SEMA4D: variants seen among roughly 807,000 people sequenced by gnomAD.
SEMA4D encodes the protein semaphorin-4D.
In SEMA4D, 22 loss-of-function variants were observed where a neutral mutation model predicts 74.8. That is an observed-to-expected ratio of 0.29 (90% CI 0.21 to 0.42). SEMA4D has a LOEUF of 0.42. Ranked by LOEUF, SEMA4D falls within the 10% of genes least tolerant of loss-of-function variation. SEMA4D has a pLI of 1.00. For synonymous variants in SEMA4D, 445 were observed against 463.7 expected (o/e 0.96, Z 0.52); for missense variants, 937 against 1,118.4 (o/e 0.84, Z 2.31).
chr9:89,495,064 C>G (rs1026373371), intron 1 of SEMA4D, among the ~76,000 whole-genome samples: 2 of 152,202 alleles, frequency 1.3e-5, no homozygotes, highest in South Asian at 4.1e-4. Context: ...TAGATGTGAT[C>G]CAGGGCAGGG....
At chr9:89,454,609 G>A (rs748329508) in intron 2 of SEMA4D, among the ~76,000 whole-genome samples, 6 of 152,232 alleles carry the variant, frequency 3.9e-5, no homozygotes, top group Non-Finnish European at 5.9e-5. Flanking sequence ...GCTGCTGGCC[G>A]AAGACGGTCC....
rs1029046138 is a variant in SEMA4D at position 89,405,912 on chromosome 9, G to A, written c.-243-213C>T. 9.2e-6 allele frequency: 11 copies of A among 1,190,354 alleles called. No homozygotes were observed. In the Admixed American group the frequency reaches 1.8e-4, roughly 19 times the overall value. The allele number at this position is 1,190,354 out of a possible 1,614,324, so 73.7% of individuals were successfully genotyped here. On this transcript the variant is annotated intron_variant, in intron 2 of 15. Transcript: ENST00000422704. ...GGGTCTTCAGGAGTCAGTGCTTCCC[G>A]CTCCTCCAGCTACCAGCCCAGAACA... is the stretch of plus-strand genomic sequence containing the variant.
rs542051384 is a variant in SEMA4D at position 89,387,188 on chromosome 9, A to G, written c.1330+198T>C. 126 of 566,264 alleles carry G rather than the reference A, an allele frequency of 2.2e-4. 2 individuals are homozygous for G. The South Asian group carries it at 2.8e-3, about 13-fold the overall frequency. The allele number at this position is 566,264 out of a possible 1,614,324, so 35.1% of individuals were successfully genotyped here. A position where few individuals can be genotyped will look rare whatever the true frequency, so the allele number is the denominator to read the frequency against. On this transcript the variant is annotated intron_variant, in intron 12 of 15. Transcript: ENST00000422704. ...TTTATTTTTAACAAGTACCTCCAGT[A>G]GCCTGGTGGTCCCAGATCTGAAAGC...
chr9:89,394,574 G>A (rs1840522517), intron 6 of SEMA4D, among the ~76,000 whole-genome samples: 1 of 152,268 alleles, frequency 6.6e-6, no homozygotes, highest in Non-Finnish European at 1.5e-5. Flanking sequence ...AACAGCCTGG[G>A]CATGCTGAAG....
chr9:89,370,143 C>T (rs1421234703), intron 16 of SEMA4D, among the ~76,000 whole-genome samples: 1 of 147,450 alleles, frequency 6.8e-6, no homozygotes, highest in African/African-American at 2.5e-5. Flanking sequence ...TATGTGTGCA[C>T]ATGTGCAGTG....
intron 2 of SEMA4D, among the ~76,000 whole-genome samples, chr9:89,445,666 A>G (rs1025052944): frequency 6.6e-6 from 1 of 152,306 alleles, no homozygotes; most frequent in Non-Finnish European, 1.5e-5. Flanking sequence ...TCTGTCATCC[A>G]CAAGCTGGAG....
At chr9:89,440,520 C>T (rs1408822994) in intron 2 of SEMA4D, among the ~76,000 whole-genome samples, 1 of 152,204 alleles carries the variant, frequency 6.6e-6, no homozygotes, top group Non-Finnish European at 1.5e-5. Flanking sequence ...TTGCCCTCCA[C>T]ACTCAGCCCC....
intron 2 of SEMA4D, among the ~76,000 whole-genome samples, chr9:89,447,056 C>T (rs984860388): frequency 2.6e-5 from 4 of 152,114 alleles, no homozygotes; most frequent in Non-Finnish European, 5.9e-5. Flanking sequence ...TCTCTCCCAC[C>T]GCAGCCCAGC....
intron 1 of SEMA4D, among the ~76,000 whole-genome samples, chr9:89,462,963 A>C: frequency 3.0e-5 from 1 of 33,136 alleles, no homozygotes; most frequent in Admixed American, 2.5e-4. Flanking sequence ...GGGGGGAGCG[A>C]GCGAGGGGAG....
At chr9:89,459,254 G>T (rs922434315) in intron 1 of SEMA4D, among the ~76,000 whole-genome samples, 3 of 152,160 alleles carry the variant, frequency 2.0e-5, no homozygotes, top group African/African-American at 7.2e-5. Context: ...TGCTCTGGGG[G>T]GGTCCAAGAA....
chr9:89,478,223 G>A (rs187670955), intron 1 of SEMA4D, among the ~76,000 whole-genome samples: 25 of 152,350 alleles, frequency 1.6e-4, no homozygotes, highest in African/African-American at 5.8e-4. Context: ...CTTTCTAGAT[G>A]TAAGAATCTC....
chr9:89,401,481 C>G (rs1842204421), intron 4 of SEMA4D, among the ~76,000 whole-genome samples: 1 of 152,176 alleles, frequency 6.6e-6, no homozygotes, highest in African/African-American at 2.4e-5. Flanking sequence ...CAGCGTGAAC[C>G]TGGAACAGAT....
intron 13 of SEMA4D, among the ~76,000 whole-genome samples, chr9:89,383,624 G>A (rs1371743969): frequency 6.6e-6 from 1 of 152,110 alleles, no homozygotes; most frequent in Non-Finnish European, 1.5e-5. Context: ...TTCAGGTAAC[G>A]CACTGCACCA....
At chr9:89,362,357 G>A (rs1489657682) in exon 19 of SEMA4D, 3 of 1,614,096 alleles carry the variant, frequency 1.9e-6, no homozygotes, top group Admixed American at 1.7e-5. Context: ...TGGCAGCAGG[G>A]TCTTGTTGGG....
chr9:89,452,976 C>G (rs536812956), intron 2 of SEMA4D, among the ~76,000 whole-genome samples: 22 of 152,202 alleles, frequency 1.4e-4, no homozygotes, highest in Non-Finnish European at 2.4e-4. Context: ...AGGGCTGCAG[C>G]AGAGGACCTG....
intron 2 of SEMA4D, among the ~76,000 whole-genome samples, chr9:89,422,484 G>C (rs937732771): frequency 2.0e-5 from 3 of 152,256 alleles, no homozygotes; most frequent in African/African-American, 4.8e-5. Context: ...AAGTCCAAGA[G>C]AGAGGCTGGA....
chr9:89,416,751 T>G (rs1471091672), intron 2 of SEMA4D, among the ~76,000 whole-genome samples: 2 of 152,224 alleles, frequency 1.3e-5, no homozygotes, highest in South Asian at 2.1e-4. Context: ...ACTTTTATAT[T>G]GCTTCTGTAA....
At chr9:89,395,332 G>A (rs1446005368) in intron 6 of SEMA4D, among the ~76,000 whole-genome samples, 1 of 151,900 alleles carries the variant, frequency 6.6e-6, no homozygotes, top group Non-Finnish European at 1.5e-5. Flanking sequence ...GCTGAGGCAG[G>A]AGAATCGCTT....
chr9:89,444,579 A>T (rs1188627070), intron 2 of SEMA4D, among the ~76,000 whole-genome samples: 1 of 152,108 alleles, frequency 6.6e-6, no homozygotes, highest in Admixed American at 6.5e-5. Flanking sequence ...ATTATTGACT[A>T]ATTAGTGCTG....
Sources: gnomAD v4.1 joint callset for allele counts (sites outside exome capture counted in the v4.1 genomes callset) on GRCh38, gnomAD v4.1.1 for gene constraint, MANE v1.5 for transcripts, NCBI Gene and HGNC (gene_info 2026-07-23, HGNC 2026-07-21) for gene names.